The following MAGED1 variants were observed in gnomAD, a reference collection of about 807,000 sequenced individuals.
MAGED1 encodes the protein MAGE family member D1.
MAGED1 carries 3 observed loss-of-function variants against 54.1 expected under a neutral mutation model. That is an observed-to-expected ratio of 0.06 (90% CI 0.03 to 0.14). The LOEUF (loss-of-function observed/expected upper bound fraction) is 0.14, where lower values mean the gene tolerates loss of function less well. MAGED1 is among the 10% of genes least tolerant of loss of function. MAGED1 has a pLI of 1.00. For missense variants in MAGED1, 485 were observed against 623.4 expected, an observed-to-expected ratio of 0.78 and a Z score of 2.36; for synonymous variants, 217 against 227.3, an observed-to-expected ratio of 0.95 and a Z score of 0.41.
intron 1 of MAGED1, among the ~76,000 whole-genome samples, chrX:51,853,404 T>G (rs1273341348): frequency 8.9e-6 from 1 of 112,562 alleles, no homozygotes; most frequent in Non-Finnish European, 1.9e-5. Context: ...GCAAGTTATG[T>G]GATCCAAATC....
At chrX:51,900,787 C>CA (rs1247540398) in intron 11 of MAGED1, among the ~76,000 whole-genome samples, 7 of 110,858 alleles carry the variant, frequency 6.3e-5, no homozygotes, top group Admixed American at 3.8e-4. Context: ...GTGCCACCAC[C>CA]ATGCCTGGCT....
intron 1 of MAGED1, among the ~76,000 whole-genome samples, chrX:51,844,643 A>G (rs1262400155): frequency 1.8e-5 from 2 of 111,769 alleles, no homozygotes; most frequent in Non-Finnish European, 3.8e-5. Flanking sequence ...CAAAGGTGTG[A>G]CTGGACAGCC....
intron 1 of MAGED1, among the ~76,000 whole-genome samples, chrX:51,810,000 G>A (rs1388260352): frequency 9.0e-6 from 1 of 111,536 alleles, no homozygotes; most frequent in Non-Finnish European, 1.9e-5. Flanking sequence ...TCATAGTAAT[G>A]AGTTGGTTTC....
chrX:51,898,505 C>A, intron 9 of MAGED1, 76 bp from the exon 10 acceptor site: 1 of 1,020,905 alleles, frequency 9.8e-7, no homozygotes, highest in South Asian at 2.2e-5. Flanking sequence ...CTTTTCTCAT[C>A]TCTGACCTCT....
chrX:51,827,379 TG>T (rs1464912198), intron 1 of MAGED1, among the ~76,000 whole-genome samples: 4 of 112,097 alleles, frequency 3.6e-5, no homozygotes, highest in African/African-American at 1.3e-4. Context: ...TTCCAGGGTT[TG>T]GGGGTTGGGA....
Position 51,901,123 on chromosome X carries a change from C to T in MAGED1, c.1960-430C>T, listed in dbSNP as rs782360604. On this transcript the variant is annotated intron_variant, in intron 11 of 12. Transcript: ENST00000326587. ...TACTCTTTTAGCAATTTTAAATAAA[C>T]GACACATTATTATTAACTATAGTCG... 4.5e-5 allele frequency among the ~76,000 whole-genome samples: 5 copies of T among 111,648 alleles called. No individual in the cohort carries two copies. The East Asian group carries it at 1.1e-3, about 25-fold the overall frequency.
chrX:51,825,235 A>G (rs1199725343), intron 1 of MAGED1, among the ~76,000 whole-genome samples: 1 of 110,752 alleles, frequency 9.0e-6, no homozygotes, highest in East Asian at 2.9e-4. Flanking sequence ...GGGAGATTGT[A>G]GAGGGGACTT....
chrX:51,815,105 T>C (rs1169809110), intron 1 of MAGED1, among the ~76,000 whole-genome samples: 1 of 109,822 alleles, frequency 9.1e-6, no homozygotes, highest in Non-Finnish European at 1.9e-5. Flanking sequence ...ATTGTGCCAC[T>C]GCACTCCAGC....
At chrX:51,876,816 T>G (rs1557362041) in intron 1 of MAGED1, among the ~76,000 whole-genome samples, 1 of 110,972 alleles carries the variant, frequency 9.0e-6, no homozygotes, top group Non-Finnish European at 1.9e-5. Context: ...TTAACCAAAA[T>G]TCTGAGGAAA....
intron 1 of MAGED1, among the ~76,000 whole-genome samples, chrX:51,884,637 A>G (rs1264094040): frequency 8.9e-6 from 1 of 112,220 alleles, no homozygotes; most frequent in Non-Finnish European, 1.9e-5. Flanking sequence ...AATTCTATGA[A>G]GTCAGTCTTA....
chrX:51,900,130 G>T, intron 10 of MAGED1, 52 bp from the exon 11 acceptor site: 3 of 760,397 alleles, frequency 3.9e-6, no homozygotes, highest in Non-Finnish European at 6.1e-6. Flanking sequence ...TTCATTAGTG[G>T]ACTACCATTC....
chrX:51,857,166 A>C (rs1224312204), intron 1 of MAGED1: 3 of 111,886 alleles, frequency 2.7e-5, no homozygotes, highest in African/African-American at 9.7e-5. Context: ...GAGGACTCAC[A>C]CCTGAGAATT....
intron 1 of MAGED1, among the ~76,000 whole-genome samples, 182 bp downstream of exon 1, chrX:51,893,937 C>T (rs1282267188): frequency 1.8e-5 from 2 of 108,778 alleles, no homozygotes; most frequent in Non-Finnish European, 3.8e-5. Context: ...TCGAAATCCT[C>T]AGATTCCTTG....
intron 2 of MAGED1, chrX:51,894,801 G>T: frequency 8.8e-7 from 1 of 1,140,682 alleles, no homozygotes. Context: ...TCCTGTTCGT[G>T]CCCACTTTCC....
At chrX:51,836,743 T>G (rs1557357961) in intron 1 of MAGED1, among the ~76,000 whole-genome samples, 1 of 109,973 alleles carries the variant, frequency 9.1e-6, no homozygotes, top group Non-Finnish European at 1.9e-5. Context: ...GGCTAGTTTT[T>G]TTTGTATTTT....
Position 51,897,544 on chromosome X carries a change from C to T in MAGED1, c.1487-3C>T. The stretch of plus-strand genomic sequence containing the variant: ...TCAGATGGCTCCCTCCTCTCTCCTA[C>T]AGAAATGCTGAGAGATATCATCCGT... On this transcript the variant is annotated splice_region_variant and splice_polypyrimidine_tract_variant and intron_variant, in intron 5 of 12. Coordinates refer to ENST00000326587, the MANE Select transcript of MAGED1 (RefSeq NM_006986.4). The T allele has an allele frequency of 8.3e-7, 1 of 1,199,076 alleles. No homozygotes were observed. The highest frequency in any genetic ancestry group is 1.1e-6 in the Non-Finnish European group (1 of 884,864).
intron 1 of MAGED1, among the ~76,000 whole-genome samples, chrX:51,862,005 C>T (rs1557360715): frequency 8.9e-6 from 1 of 111,984 alleles, no homozygotes; most frequent in African/African-American, 3.2e-5. Flanking sequence ...TGCTAAAAAA[C>T]GTCAGAGTAT....
At chrX:51,883,496 T>C (rs1928131898) in intron 1 of MAGED1, among the ~76,000 whole-genome samples, 1 of 112,018 alleles carries the variant, frequency 8.9e-6, no homozygotes, top group Admixed American at 9.4e-5. Flanking sequence ...TCCACCTACA[T>C]GTGGTAAAAC....
intron 1 of MAGED1, among the ~76,000 whole-genome samples, chrX:51,858,331 A>G (rs1927161455): frequency 8.9e-6 from 1 of 111,900 alleles, no homozygotes; most frequent in African/African-American, 3.2e-5. Flanking sequence ...AGGATGTGTT[A>G]GTCTTTATTC....
Sources: allele counts gnomAD v4.1 joint callset (sites outside exome capture counted in the v4.1 genomes callset), GRCh38; gene constraint gnomAD v4.1.1; transcripts MANE v1.5; gene names NCBI Gene and HGNC (gene_info 2026-07-23, HGNC 2026-07-21).